The following SFPQ variants were observed in gnomAD, a reference collection of about 807,000 sequenced individuals.
SFPQ encodes splicing factor proline and glutamine rich, also known as splicing factor, proline- and glutamine-rich.
In SFPQ, 11 loss-of-function variants were observed where a neutral mutation model predicts 72.9. The ratio of observed to expected loss-of-function variants is 0.15; its 90% confidence interval spans 0.09 to 0.25. The LOEUF is 0.25. SFPQ is among the 10% of genes least tolerant of loss of function. SFPQ has a pLI of 1.00. For synonymous variants in SFPQ, 506 were observed against 367.3 expected (o/e 1.38, Z -4.32); for missense variants, 847 against 993.3 (o/e 0.85, Z 1.98).
downstream of SFPQ, chr1:35,178,383 T>C (rs927204068): frequency 3.2e-5 from 34 of 1,064,106 alleles, no homozygotes; most frequent in South Asian, 8.8e-5. Flanking sequence ...AAATGAGTTT[T>C]AACATCAGCT....
Position 35,189,103 on chromosome 1 carries a change from T to C in SFPQ, c.1613-16A>G. The C allele has an allele frequency of 1.9e-6, 3 of 1,613,402 alleles. No homozygotes were observed. Among genetic ancestry groups the C allele is most frequent in the South Asian group, 2.2e-5 (2 of 91,030 alleles). The stretch of plus-strand genomic sequence containing the variant: ...CTCATCAGATCTGAACATTGGAAAA[T>C]ATTTGGATTCACATTAACAAGGTTC... On this transcript the variant is annotated splice_polypyrimidine_tract_variant and intron_variant, in intron 5 of 9. Transcript: ENST00000357214.
downstream of SFPQ, chr1:35,181,348 CAAGAA>C (rs1639456240): frequency 9.4e-7 from 1 of 1,065,202 alleles, no homozygotes; most frequent in Non-Finnish European, 1.1e-6. Context: ...GTGGCTTGCC[CAAGAA>C]AAGCCAAGTA....
In SFPQ at chr1:35,187,155, C is replaced by T. The variant is rs749566365; in HGVS notation, c.1865-33G>A. The T allele has an allele frequency of 2.2e-5, 36 of 1,613,886 alleles. 1 individual carries two copies. In the East Asian group the frequency reaches 7.8e-4, roughly 35 times the overall value. On this transcript the variant is annotated intron_variant, in intron 8 of 9. Transcript: ENST00000357214. The stretch of plus-strand genomic sequence containing the variant: ...ACAAAAATAGTGGTTACAACTCCAC[C>T]AGGATACTACTCTCTACTTATATCA...
chr1:35,185,378 GA>G, intron 9 of SFPQ, among the ~76,000 whole-genome samples: 1 of 152,240 alleles, frequency 6.6e-6, no homozygotes, highest in South Asian at 2.1e-4. Flanking sequence ...TTAGGTCTTT[GA>G]AAAGTGCAGA....
chr1:35,180,296 G>A (rs1639414398), downstream of SFPQ: 12 of 1,045,576 alleles, frequency 1.1e-5, no homozygotes, highest in South Asian at 3.7e-4. Flanking sequence ...AAAGTCCTAA[G>A]CAACAAAAGT....
At chr1:35,188,674 T>C (rs531869504) in intron 6 of SFPQ, among the ~76,000 whole-genome samples, 1 of 151,872 alleles carries the variant, frequency 6.6e-6, no homozygotes, top group South Asian at 2.1e-4. Flanking sequence ...AGAAAAAAAA[T>C]GGCCAAGCGT....
At chr1:35,180,235 C>A (rs980152971), downstream of SFPQ, 1 of 1,051,574 alleles carries the variant, frequency 9.5e-7, no homozygotes, top group African/African-American at 1.7e-5. Flanking sequence ...CTAGCTAAAA[C>A]CAGTTCAGAG....
downstream of SFPQ, chr1:35,180,064 T>C: frequency 9.5e-7 from 1 of 1,053,318 alleles, no homozygotes; most frequent in African/African-American, 1.7e-5. Flanking sequence ...AGTACAAGTC[T>C]GTCCCCACCT....
Position 35,183,446 on chromosome 1 carries a change from T to C in SFPQ, c.*1010A>G, listed in dbSNP as rs182303961. 4,081 of 493,850 alleles carry C rather than the reference T, an allele frequency of 8.3e-3. 26 individuals carry two copies. Among genetic ancestry groups the C allele is most frequent in the Non-Finnish European group, 9.8e-3 (3,652 of 374,424 alleles). 30.6% of individuals were successfully genotyped at this position (493,850 alleles called of 1,614,324 possible). A position where few individuals can be genotyped will look rare whatever the true frequency, so the allele number is the denominator to read the frequency against. ...GTTGGCCAGGCTGGTCTTGAACTCC[T>C]GATCTCATGATTTGCCCACCTCAGC... On this transcript the variant is annotated 3_prime_UTR_variant, in exon 10 of 10. Coordinates refer to ENST00000357214, the MANE Select transcript of SFPQ (RefSeq NM_005066.3).
downstream of SFPQ, chr1:35,179,838 C>T (rs1163882278): frequency 9.5e-7 from 1 of 1,053,428 alleles, no homozygotes; most frequent in Non-Finnish European, 1.1e-6. Context: ...AATCACTAAA[C>T]CACGGCAGCA....
At position 35,191,537 on chromosome 1, in the gene SFPQ, A is replaced by G. The variant is rs753095163; in HGVS notation, c.829-8T>C. The G allele has an allele frequency of 6.2e-7, 1 of 1,602,358 alleles. No homozygotes were observed. The highest frequency in any genetic ancestry group is 8.5e-7 in the Non-Finnish European group (1 of 1,176,044). On this transcript the variant is annotated splice_polypyrimidine_tract_variant and splice_region_variant and intron_variant, in intron 1 of 9. Coordinates refer to ENST00000357214, the MANE Select transcript of SFPQ (RefSeq NM_005066.3). ...CAAATTGGCTTTAAACCCCTAATGA[A>G]AAAGGAAAGAAGTTTTCAAACACCA...
Position 35,187,287 on chromosome 1 carries a change from T to C in SFPQ, c.1816-36A>G. The C allele has an allele frequency of 3.2e-6, 5 of 1,587,240 alleles. No individual in the cohort carries two copies. In the South Asian group the frequency reaches 5.5e-5, roughly 18 times the overall value. ...AAAATTCCTTTCAATATACCTGCAC[T>C]ATACCCACAGCAAGCATTCTTAAGA... On this transcript the variant is annotated intron_variant, in intron 7 of 9. Transcript: ENST00000357214.
chr1:35,190,804 T>C lies in SFPQ; in HGVS notation c.1209A>G (p.Ile403Met), dbSNP rs1234704654. 4 of 1,614,082 alleles carry C rather than the reference T, an allele frequency of 2.5e-6. No homozygotes were observed. Among genetic ancestry groups the C allele is most frequent in the Non-Finnish European group, 3.4e-6 (4 of 1,180,042 alleles). The change falls in exon 3 of 10, where the codon ATA becomes ATG. Residue 403 changes from isoleucine to methionine, a missense_variant. Transcript: ENST00000357214. Reference protein sequence around the residue: ...QFGPIERAVVIVDDRGRSTGK... With the variant: ...QFGPIERAVVMVDDRGRSTGK... ...CTGTAGATCTTCCACGATCATCCACTATTACAACAGCCCTTTCAATAGGAC... is the reference window on the plus strand; with the variant it reads ...CTGTAGATCTTCCACGATCATCCACCATTACAACAGCCCTTTCAATAGGAC...
chr1:35,180,898 A>G, downstream of SFPQ: 1 of 985,320 alleles, frequency 1.0e-6, no homozygotes, highest in Non-Finnish European at 1.2e-6. Context: ...CAACTGAGTC[A>G]GATATACCAA....
chr1:35,176,873 CAAAA>C, intron 5 of SFPQ, among the ~76,000 whole-genome samples: 1 of 91,638 alleles, frequency 1.1e-5, no homozygotes, highest in African/African-American at 3.3e-5. Context: ...GACTCCGTCT[CAAAA>C]AAAAAAAAAA....
At chr1:35,182,085 C>T, downstream of SFPQ, 1 of 985,320 alleles carries the variant, frequency 1.0e-6, no homozygotes, top group Non-Finnish European at 1.2e-6. Flanking sequence ...GTGCCAGCAT[C>T]CCTTATAAAG....
At chr1:35,189,407 T>C in intron 4 of SFPQ, 25 bp from the exon 5 acceptor site, 2 of 1,569,780 alleles carry the variant, frequency 1.3e-6, no homozygotes, top group South Asian at 1.1e-5. Flanking sequence ...AATTTTAACA[T>C]GAACCGATTT....
rs751383365 is a variant in SFPQ, at chr1:35,184,596, A to T, written c.1987-3T>A. The stretch of plus-strand genomic sequence containing the variant: ...CCCTGCCCAAAGCGCTCAGTACGCT[A>T]TTGGAACAGTAATTAACAGTTCATT... On this transcript the variant is annotated splice_region_variant and splice_polypyrimidine_tract_variant and intron_variant, in intron 9 of 9. Transcript: ENST00000357214. 6.3e-7 allele frequency: 1 copy of T among 1,575,376 alleles called. No individual in the cohort carries two copies. The highest frequency in any genetic ancestry group is 1.4e-5 in the African/African-American group (1 of 72,324).
At chr1:35,182,301 G>C (rs975171956), downstream of SFPQ, 6 of 985,090 alleles carry the variant, frequency 6.1e-6, no homozygotes, top group African/African-American at 1.7e-5. Flanking sequence ...CAAGACCCTT[G>C]TTTCCGTACA....
Sources: allele counts gnomAD v4.1 joint callset (sites outside exome capture counted in the v4.1 genomes callset), GRCh38; gene constraint gnomAD v4.1.1; transcripts MANE v1.5; gene names NCBI Gene and HGNC (gene_info 2026-07-23, HGNC 2026-07-21).